AUTS2: variants seen among roughly 807,000 people sequenced by gnomAD.
AUTS2 encodes the protein autism susceptibility gene 2 protein.
AUTS2 carries 17 observed loss-of-function variants against 112.4 expected under a neutral mutation model. The observed-to-expected ratio is 0.15, with a 90% CI of 0.10 to 0.23. The LOEUF (loss-of-function observed/expected upper bound fraction) is 0.23, where lower values mean the gene tolerates loss of function less well. Among genes scored for constraint, AUTS2 ranks in the 10% least tolerant of loss-of-function variants. The pLI, the probability that AUTS2 is intolerant of heterozygous loss-of-function variation, is 1.00. For missense variants in AUTS2, 1,510 were observed against 1,701.6 expected (o/e 0.89, Z 1.98); for synonymous variants, 751 against 702.7 (o/e 1.07, Z -1.09).
At chr7:70,702,819 C>T (rs1321947143) in intron 6 of AUTS2, among the ~76,000 whole-genome samples, 2 of 152,204 alleles carry the variant, frequency 1.3e-5, no homozygotes, top group African/African-American at 4.8e-5. Context: ...ACTGCTTTTC[C>T]TCTCCCGGGC....
chr7:69,799,518 G>T (rs1584263180), intron 1 of AUTS2, among the ~76,000 whole-genome samples: 1 of 152,194 alleles, frequency 6.6e-6, no homozygotes, highest in Non-Finnish European at 1.5e-5. Flanking sequence ...TGTCATTCAT[G>T]GGTTCATGAG....
chr7:69,999,529 A>G (rs117152536), intron 2 of AUTS2, among the ~76,000 whole-genome samples: 4 of 152,324 alleles, frequency 2.6e-5, no homozygotes. Context: ...GTTGGTTATC[A>G]AAGAGTGTTT....
chr7:69,823,463 A>T (rs1238779666), intron 1 of AUTS2, among the ~76,000 whole-genome samples: 2 of 152,214 alleles, frequency 1.3e-5, no homozygotes, highest in South Asian at 4.1e-4. Context: ...CAGTGATGAA[A>T]AGATGCCTAA....
chr7:70,439,259 G>T (rs1796021913), intron 5 of AUTS2, among the ~76,000 whole-genome samples: 1 of 152,184 alleles, frequency 6.6e-6, no homozygotes, highest in African/African-American at 2.4e-5. Context: ...TAGAAATTGG[G>T]CTGGGTGCGG....
intron 2 of AUTS2, among the ~76,000 whole-genome samples, chr7:70,055,657 C>G (rs1801959516): frequency 6.6e-6 from 1 of 152,106 alleles, no homozygotes. Flanking sequence ...AGCAGTTTTT[C>G]CCTTCTGAAG....
intron 1 of AUTS2, among the ~76,000 whole-genome samples, chr7:69,691,091 T>C (rs626767): frequency 0.62 from 93,514 of 152,030 alleles, 29,073 homozygotes; most frequent in East Asian, 0.71. Flanking sequence ...CTGGTAGTCC[T>C]GACATCTGCC....
chr7:70,680,106 G>A (rs528845893), intron 5 of AUTS2, among the ~76,000 whole-genome samples: 2 of 152,300 alleles, frequency 1.3e-5, no homozygotes, highest in East Asian at 3.9e-4. Context: ...GAAATTCCAT[G>A]AGAGTGGGGA....
At chr7:70,004,324 A>ATATAC (rs1491427809) in intron 2 of AUTS2, among the ~76,000 whole-genome samples, 17 of 125,216 alleles carry the variant, frequency 1.4e-4, no homozygotes, top group Middle Eastern at 4.4e-3. Flanking sequence ...TTATATATAT[A>ATATAC]ATATATATAT....
At chr7:69,686,897 TATG>T (rs1797087759) in intron 1 of AUTS2, among the ~76,000 whole-genome samples, 1 of 152,200 alleles carries the variant, frequency 6.6e-6, no homozygotes, top group African/African-American at 2.4e-5. Flanking sequence ...CACACGTTAA[TATG>T]AACCATATAC....
chr7:69,816,937 A>G (rs1213338189), intron 1 of AUTS2, among the ~76,000 whole-genome samples: 1 of 152,224 alleles, frequency 6.6e-6, no homozygotes, highest in Non-Finnish European at 1.5e-5. Flanking sequence ...GCTGGGTCCC[A>G]GTATCTGCTC....
chr7:70,078,249 A>G (rs1417194001), intron 2 of AUTS2, among the ~76,000 whole-genome samples: 2 of 152,032 alleles, frequency 1.3e-5, no homozygotes, highest in African/African-American at 4.8e-5. Context: ...GATAACCAAG[A>G]CAGCTACTAA....
chr7:70,704,482 AAG>A (rs113521990), intron 6 of AUTS2, among the ~76,000 whole-genome samples: 191 of 152,344 alleles, frequency 1.3e-3, no homozygotes, highest in African/African-American at 4.5e-3. Context: ...TGTCCTTTGA[AAG>A]AGTTTTCTCT....
chr7:69,646,956 C>G (rs989416498), intron 1 of AUTS2, among the ~76,000 whole-genome samples: 1 of 151,954 alleles, frequency 6.6e-6, no homozygotes, highest in African/African-American at 2.4e-5. Flanking sequence ...CGCGTAGTGG[C>G]GGGCGCCTGT....
At chr7:70,061,947 C>T (rs556184704) in intron 2 of AUTS2, among the ~76,000 whole-genome samples, 2 of 151,774 alleles carry the variant, frequency 1.3e-5, no homozygotes, top group East Asian at 4.0e-4. Context: ...GCCACCATGC[C>T]CAGCTAATTT....
intron 5 of AUTS2, among the ~76,000 whole-genome samples, chr7:70,547,099 A>G (rs1412744942): frequency 6.6e-6 from 1 of 152,110 alleles, no homozygotes; most frequent in African/African-American, 2.4e-5. Context: ...CCACAATTCA[A>G]TTTTAGAACA....
In AUTS2 at chr7:70,235,493, G is replaced by T. The variant is rs1024364437; in HGVS notation, c.660+100922G>T. Among the ~76,000 whole-genome samples, 59 of 152,076 alleles carry T rather than the reference G, an allele frequency of 3.9e-4. 3 individuals carry two copies. On this transcript the variant is annotated intron_variant, in intron 4 of 18. Transcript: ENST00000342771. The stretch of plus-strand genomic sequence containing the variant: ...TTGGTTGTGTCACCAGCCGGGAGGG[G>T]CTTATAGGCTGCAACACTGTTTTCT...
intron 1 of AUTS2, among the ~76,000 whole-genome samples, chr7:69,701,650 G>A (rs1475077795): frequency 6.6e-6 from 1 of 152,188 alleles, no homozygotes; most frequent in African/African-American, 2.4e-5. Flanking sequence ...AAGGATAAGA[G>A]GGATATTATC....
intron 6 of AUTS2, among the ~76,000 whole-genome samples, chr7:70,746,678 G>T (rs1252239624): frequency 6.6e-6 from 1 of 152,094 alleles, no homozygotes; most frequent in Non-Finnish European, 1.5e-5. Context: ...AGGGGAGAGC[G>T]CAGGATCTTG....
intron 5 of AUTS2, among the ~76,000 whole-genome samples, chr7:70,651,073 C>T (rs1806480658): frequency 6.6e-6 from 1 of 152,208 alleles, no homozygotes. Context: ...TGATCAACTA[C>T]AGTTATTGAG....
Sources: gnomAD v4.1 joint callset for allele counts (sites outside exome capture counted in the v4.1 genomes callset) on GRCh38, gnomAD v4.1.1 for gene constraint, MANE v1.5 for transcripts, NCBI Gene and HGNC (gene_info 2026-07-23, HGNC 2026-07-21) for gene names.